The following RALYL variants were observed in gnomAD, a reference collection of about 807,000 sequenced individuals.
RALYL encodes the protein RALY RNA binding protein like.
In RALYL, 29 loss-of-function variants were observed where a neutral mutation model predicts 35.1. The ratio of observed to expected loss-of-function variants is 0.83; its 90% CI spans 0.61 to 1.13. The LOEUF (loss-of-function observed/expected upper bound fraction) is 1.13. Among genes scored for constraint, RALYL ranks in the 50% most tolerant of loss-of-function variants. RALYL has a pLI of 0.00. For missense variants in RALYL, 359 were observed against 360.4 expected (o/e 1.00, Z 0.03); for synonymous variants, 120 against 127.6 (o/e 0.94, Z 0.40).
At chr8:84,904,566 T>C (rs955027528) in intron 8 of RALYL, among the ~76,000 whole-genome samples, 1 of 152,162 alleles carries the variant, frequency 6.6e-6, no homozygotes. Context: ...ACCTATTACA[T>C]ATATTCAAAA....
At chr8:84,917,924 G>A (rs1260640691) in intron 8 of RALYL, among the ~76,000 whole-genome samples, 1 of 152,052 alleles carries the variant, frequency 6.6e-6, no homozygotes, top group Non-Finnish European at 1.5e-5. Flanking sequence ...CATTTAGAAT[G>A]AGGGATTTGT....
chr8:84,366,500 G>A (rs558055381), intron 1 of RALYL, among the ~76,000 whole-genome samples: 2 of 152,208 alleles, frequency 1.3e-5, no homozygotes, highest in African/African-American at 4.8e-5. Context: ...GCTGGAGGCC[G>A]AGTGCGGTGG....
At chr8:84,504,958 A>G (rs926402898) in intron 1 of RALYL, among the ~76,000 whole-genome samples, 24 of 152,140 alleles carry the variant, frequency 1.6e-4, no homozygotes, top group African/African-American at 5.8e-4. Flanking sequence ...CTCAACATGT[A>G]AGTCACCAAT....
At chr8:84,776,658 G>T (rs1005962417) in intron 3 of RALYL, among the ~76,000 whole-genome samples, 3 of 142,210 alleles carry the variant, frequency 2.1e-5, no homozygotes, top group African/African-American at 7.7e-5. Context: ...GCTGCCAATG[G>T]CTTTTTTTTA....
At chr8:84,605,475 T>C (rs1816903388) in intron 2 of RALYL, among the ~76,000 whole-genome samples, 1 of 152,058 alleles carries the variant, frequency 6.6e-6, no homozygotes, top group Non-Finnish European at 1.5e-5. Context: ...ACCTCTGTGC[T>C]CCATTCACCT....
At chr8:84,447,940 TA>T (rs2049026578) in intron 1 of RALYL, among the ~76,000 whole-genome samples, 3 of 151,860 alleles carry the variant, frequency 2.0e-5, no homozygotes, top group Non-Finnish European at 4.4e-5. Flanking sequence ...TTACAGGGGC[TA>T]GGGGAAGAAA....
chr8:84,532,198 A>C (rs527242676), intron 2 of RALYL, among the ~76,000 whole-genome samples: 2 of 152,204 alleles, frequency 1.3e-5, no homozygotes, highest in African/African-American at 2.4e-5. Flanking sequence ...TTTCAGGTCA[A>C]GTGCTTGAAT....
At position 84,732,683 on chromosome 8, in the gene RALYL, T is replaced by TATATATATATATATATATATACACAC; in HGVS notation, c.257-41895_257-41894insTATATATATATATATATATACACACA. On this transcript the variant is annotated intron_variant, in intron 2 of 8. Transcript: ENST00000521268. ...TATTAAATAATTATATATATATATA[T>TATATATATATATATATATATACACAC]ACACACACACACACATATATATAAT... Among the ~76,000 whole-genome samples the TATATATATATATATATATATACACAC allele has an allele frequency of 1.4e-4, 19 of 133,234 alleles. 1 individual carries two copies. Among genetic ancestry groups the TATATATATATATATATATATACACAC allele is most frequent in the African/African-American group, 5.5e-4 (18 of 32,922 alleles). The allele number at this position is 133,234 out of a possible 152,430, so 87.4% of individuals were successfully genotyped here. A position where few individuals can be genotyped will look rare whatever the true frequency, so the allele number is the denominator to read the frequency against.
intron 2 of RALYL, among the ~76,000 whole-genome samples, chr8:84,725,728 T>G (rs904977122): frequency 2.0e-5 from 3 of 151,644 alleles, no homozygotes; most frequent in Non-Finnish European, 4.4e-5. Context: ...ACTACCAGAA[T>G]GCAGATAAAT....
intron 1 of RALYL, among the ~76,000 whole-genome samples, chr8:84,220,424 G>A (rs1821917896): frequency 1.3e-5 from 2 of 151,958 alleles, no homozygotes; most frequent in African/African-American, 4.8e-5. Flanking sequence ...CCCACAACTG[G>A]GAAGCAGATA....
intron 8 of RALYL, among the ~76,000 whole-genome samples, chr8:84,904,194 C>A (rs370728272): frequency 6.6e-6 from 1 of 152,028 alleles, no homozygotes; most frequent in Non-Finnish European, 1.5e-5. Context: ...CCCATTGTTA[C>A]GCCTCATTGT....
chr8:84,602,726 G>A (rs1816242299), intron 2 of RALYL, among the ~76,000 whole-genome samples: 2 of 152,126 alleles, frequency 1.3e-5, no homozygotes, highest in South Asian at 4.1e-4. Flanking sequence ...TAAATGATAT[G>A]TATGGAAACC....
intron 1 of RALYL, among the ~76,000 whole-genome samples, chr8:84,426,259 T>C (rs114703329): frequency 0.014 from 2,097 of 152,266 alleles, 45 homozygotes; most frequent in African/African-American, 0.048. Context: ...TAAAATCTAC[T>C]TATTTAGCAT....
At chr8:84,570,914 C>T (rs1807815097) in intron 2 of RALYL, among the ~76,000 whole-genome samples, 1 of 151,806 alleles carries the variant, frequency 6.6e-6, no homozygotes, top group Non-Finnish European at 1.5e-5. Context: ...ACTATCCTTG[C>T]ATGCATGGAA....
intron 2 of RALYL, among the ~76,000 whole-genome samples, chr8:84,669,207 C>A (rs991435131): frequency 2.0e-5 from 3 of 152,150 alleles, no homozygotes; most frequent in Non-Finnish European, 4.4e-5. Flanking sequence ...ACTGGGTACA[C>A]TTTGACTCTG....
intron 1 of RALYL, among the ~76,000 whole-genome samples, chr8:84,363,084 G>A (rs765630935): frequency 2.4e-4 from 37 of 152,280 alleles, no homozygotes; most frequent in Non-Finnish European, 5.0e-4. Flanking sequence ...TGATGGGCAT[G>A]AAGTTATTGT....
intron 1 of RALYL, among the ~76,000 whole-genome samples, chr8:84,441,706 A>T (rs2048349053): frequency 6.6e-6 from 1 of 152,138 alleles, no homozygotes; most frequent in South Asian, 2.1e-4. Flanking sequence ...GTCAAATCAG[A>T]TCGGCAAATT....
At chr8:84,918,671 C>CA (rs1348995481) in intron 8 of RALYL, among the ~76,000 whole-genome samples, 2 of 152,098 alleles carry the variant, frequency 1.3e-5, no homozygotes. Context: ...GCTTTACAGC[C>CA]AACAGCAAGC....
At chr8:84,545,707 C>CT (rs1378245287) in intron 2 of RALYL, among the ~76,000 whole-genome samples, 2 of 152,108 alleles carry the variant, frequency 1.3e-5, no homozygotes, top group African/African-American at 2.4e-5. Context: ...CACATTATAT[C>CT]TTTTTTTCTT....
Sources: gnomAD v4.1 joint callset for allele counts (sites outside exome capture counted in the v4.1 genomes callset) on GRCh38, gnomAD v4.1.1 for gene constraint, MANE v1.5 for transcripts, NCBI Gene and HGNC (gene_info 2026-07-23, HGNC 2026-07-21) for gene names.